MEIOB: variants seen among roughly 807,000 people sequenced by gnomAD.
The protein encoded by MEIOB is meiosis-specific with OB domain-containing protein.
MEIOB carries 50 observed loss-of-function variants against 53.1 expected under a neutral mutation model. The observed-to-expected ratio is 0.94, with a 90% confidence interval of 0.75 to 1.19. MEIOB has a LOEUF of 1.19. Ranked by LOEUF, MEIOB falls within the 50% of genes most tolerant of loss-of-function variation. MEIOB has a pLI of 0.00. For synonymous variants in MEIOB, 192 were observed against 182.5 expected, an observed-to-expected ratio of 1.05 and a Z score of -0.42; for missense variants, 551 against 550.8, an observed-to-expected ratio of 1.00 and a Z score of 0.00.
Position 1,838,160 on chromosome 16 carries a change from TTGTTTTA to T in MEIOB, c.1219-297_1219-291del, listed in dbSNP as rs1227129690. 9.8e-6 allele frequency: 5 copies of T among 508,916 alleles called. 1 individual carries two copies. Among genetic ancestry groups the T allele is most frequent in the South Asian group, 7.2e-5 (2 of 27,810 alleles). 31.5% of individuals were successfully genotyped at this position (508,916 alleles called of 1,614,324 possible). A position where few individuals can be genotyped will look rare whatever the true frequency, so the allele number is the denominator to read the frequency against. On this transcript the variant is annotated intron_variant, in intron 12 of 13. Coordinates refer to ENST00000325962, the MANE Select transcript of MEIOB (RefSeq NM_001163560.3). ...GTATGCACTACTCTTCTCTGGCTAATTGTTTTATGTTTTATGTTTTGTAGAGACAGGG... is the reference window on the plus strand; with the variant it reads ...GTATGCACTACTCTTCTCTGGCTAATTGTTTTATGTTTTGTAGAGACAGGG...
chr16:1,856,477 A>G (rs7189318), intron 6 of MEIOB, among the ~76,000 whole-genome samples: 125,427 of 151,870 alleles, frequency 0.83, 51,918 homozygotes, highest in Middle Eastern at 0.9. Context: ...CCACCACCTC[A>G]CCTGGCTAAT....
At chr16:1,850,394 T>C (rs1042107242) in intron 9 of MEIOB, among the ~76,000 whole-genome samples, 2 of 150,264 alleles carry the variant, frequency 1.3e-5, no homozygotes, top group African/African-American at 2.5e-5. Context: ...GCCTGGCCAA[T>C]ATGGTGAAAC....
chr16:1,838,431 A>G (rs1898807718), intron 12 of MEIOB, among the ~76,000 whole-genome samples: 1 of 152,208 alleles, frequency 6.6e-6, no homozygotes, highest in Non-Finnish European at 1.5e-5. Context: ...CTAAAGTCTA[A>G]TGGTAAATTT....
chr16:1,864,018 A>G (rs1386916987), intron 3 of MEIOB, among the ~76,000 whole-genome samples: 31 of 152,118 alleles, frequency 2.0e-4, no homozygotes, highest in Non-Finnish European at 2.9e-5. Context: ...TTATTCAGGC[A>G]TAGTAGCATG....
chr16:1,844,059 T>C (rs190919933), intron 10 of MEIOB, among the ~76,000 whole-genome samples: 1 of 152,094 alleles, frequency 6.6e-6, no homozygotes, highest in East Asian at 1.9e-4. Context: ...CACAAAAAGA[T>C]AGATTAAAAG....
intron 1 of MEIOB, among the ~76,000 whole-genome samples, chr16:1,871,062 T>C (rs1899729410): frequency 1.3e-5 from 2 of 152,126 alleles, no homozygotes; most frequent in South Asian, 4.1e-4. Context: ...GTTAGAGGTA[T>C]ATGGTAATAG....
intron 3 of MEIOB, among the ~76,000 whole-genome samples, chr16:1,863,925 C>T (rs1468508821): frequency 2.0e-5 from 3 of 151,992 alleles, no homozygotes; most frequent in Non-Finnish European, 4.4e-5. Flanking sequence ...CTTGGGAGGC[C>T]AAGGGGGTAA....
intron 9 of MEIOB, among the ~76,000 whole-genome samples, chr16:1,846,729 T>G (rs1899035222): frequency 6.6e-6 from 1 of 151,640 alleles, no homozygotes; most frequent in East Asian, 1.9e-4. Flanking sequence ...ATGTTCTCAC[T>G]CATAAGTGGG....
At chr16:1,855,200 G>T (rs5006376) in intron 6 of MEIOB, among the ~76,000 whole-genome samples, 100,629 of 151,920 alleles carry the variant, frequency 0.66, 33,628 homozygotes, top group Middle Eastern at 0.78. Flanking sequence ...TTGGGAGGCC[G>T]AGGTGGGTGA....
At position 1,834,636 on chromosome 16, in the gene MEIOB, G is replaced by A. The variant is rs547763153; in HGVS notation, c.1306-270C>T. On this transcript the variant is annotated intron_variant, in intron 13 of 13. Coordinates refer to ENST00000325962, the MANE Select transcript of MEIOB (RefSeq NM_001163560.3). The stretch of plus-strand genomic sequence containing the variant: ...TCAGGTAGGAAAGTTGGGATTAAAA[G>A]TCTAATGTGGCCGGGTGCTGGTGCA... 3.9e-5 allele frequency among the ~76,000 whole-genome samples: 6 copies of A among 152,340 alleles called. No homozygotes were observed. In the South Asian group the frequency reaches 1.2e-3, roughly 32 times the overall value.
chr16:1,839,090 T>C (rs1898827982), intron 12 of MEIOB, among the ~76,000 whole-genome samples, 165 bp downstream of exon 12: 2 of 152,238 alleles, frequency 1.3e-5, no homozygotes. Context: ...ATATGTAACA[T>C]TTGTTCATCA....
intron 2 of MEIOB, 60 bp from the exon 3 acceptor site, chr16:1,865,895 A>C: frequency 8.7e-7 from 1 of 1,152,792 alleles, no homozygotes; most frequent in Non-Finnish European, 1.2e-6. Flanking sequence ...TGATAAATTT[A>C]ATTTCATGGG....
intron 13 of MEIOB, among the ~76,000 whole-genome samples, chr16:1,836,636 A>C (rs1012855964): frequency 1.3e-5 from 2 of 151,908 alleles, no homozygotes; most frequent in African/African-American, 4.8e-5. Context: ...CCATGTCTGC[A>C]AACTATTCAG....
intron 7 of MEIOB, 135 bp from the exon 8 acceptor site, chr16:1,853,406 G>A (rs1899220413): frequency 1.5e-6 from 1 of 659,130 alleles, no homozygotes. Context: ...AGACCTCCTA[G>A]TCTTAAGCAT....
intron 10 of MEIOB, 82 bp downstream of exon 10, chr16:1,844,780 A>C (rs1005237268): frequency 3.0e-6 from 2 of 655,842 alleles, no homozygotes; most frequent in South Asian, 1.8e-5. Flanking sequence ...GGAATCTGGT[A>C]TCTTTTACCA....
chr16:1,847,502 C>G (rs1056975019), intron 9 of MEIOB, among the ~76,000 whole-genome samples: 3 of 150,732 alleles, frequency 2.0e-5, no homozygotes, highest in African/African-American at 7.3e-5. Context: ...TAGGGCCAAG[C>G]AAGGTGGCTC....
chr16:1,846,839 T>C (rs1197218306), intron 9 of MEIOB, among the ~76,000 whole-genome samples: 2 of 151,936 alleles, frequency 1.3e-5, no homozygotes, highest in Non-Finnish European at 2.9e-5. Context: ...TCAGGACAAA[T>C]AGCTAATGCA....
chr16:1,864,482 CTTTTCTTT>C (rs1291800103), intron 3 of MEIOB, among the ~76,000 whole-genome samples: 1 of 35,418 alleles, frequency 2.8e-5, no homozygotes, highest in African/African-American at 1.1e-4. Flanking sequence ...ATTTCTTTTT[CTTTTCTTT>C]TTTTTTTTTT....
At chr16:1,846,589 G>C (rs1045821907) in intron 9 of MEIOB, among the ~76,000 whole-genome samples, 1 of 152,136 alleles carries the variant, frequency 6.6e-6, no homozygotes, top group African/African-American at 2.4e-5. Flanking sequence ...AGAAAATGTG[G>C]TACATGTATA....
Sources: gnomAD v4.1 joint callset for allele counts (sites outside exome capture counted in the v4.1 genomes callset) on GRCh38, gnomAD v4.1.1 for gene constraint, MANE v1.5 for transcripts, NCBI Gene and HGNC (gene_info 2026-07-23, HGNC 2026-07-21) for gene names.